The following MECOM variants were observed in gnomAD, a reference collection of about 807,000 sequenced individuals.
The protein encoded by MECOM is MDS1 and EVI1 complex locus.
A neutral mutation model predicts 116.3 loss-of-function variants in MECOM; 13 were observed. That is an observed-to-expected ratio of 0.11 (90% CI 0.07 to 0.18). The LOEUF (loss-of-function observed/expected upper bound fraction) is 0.18, where lower values mean the gene tolerates loss of function less well. Ranked by LOEUF, MECOM falls within the 10% of genes least tolerant of loss-of-function variation. The probability of loss-of-function intolerance (pLI) is 1.00; values close to 1 mark genes in which losing one functional copy is unlikely to be tolerated. For synonymous variants in MECOM, 528 were observed against 535.2 expected (o/e 0.99, Z 0.19); for missense variants, 1,299 against 1,509.0 (o/e 0.86, Z 2.31).
intron 2 of MECOM, among the ~76,000 whole-genome samples, chr3:169,222,964 G>A (rs1002317214): frequency 2.0e-5 from 3 of 151,996 alleles, no homozygotes; most frequent in African/African-American, 7.3e-5. Flanking sequence ...AAAAGAAAAT[G>A]CAAAGTGAGG....
intron 2 of MECOM, among the ~76,000 whole-genome samples, chr3:169,344,770 T>C (rs1725069792): frequency 6.6e-6 from 1 of 152,146 alleles, no homozygotes; most frequent in African/African-American, 2.4e-5. Flanking sequence ...CTGTCTGAAA[T>C]TTGAGGAGCA....
intron 1 of MECOM, among the ~76,000 whole-genome samples, chr3:169,477,286 A>T (rs1750641641): frequency 6.6e-6 from 1 of 151,606 alleles, no homozygotes; most frequent in East Asian, 1.9e-4. Context: ...TGGCTCCCAC[A>T]ACTTCGAAGT....
chr3:169,248,907 G>A (rs955304791), intron 2 of MECOM, among the ~76,000 whole-genome samples: 2 of 152,136 alleles, frequency 1.3e-5, no homozygotes, highest in Non-Finnish European at 1.5e-5. Context: ...GTAAGGAAAT[G>A]TATTTCTGTT....
At chr3:169,169,193 A>G (rs1744048242) in intron 2 of MECOM, among the ~76,000 whole-genome samples, 1 of 152,120 alleles carries the variant, frequency 6.6e-6, no homozygotes, top group South Asian at 2.1e-4. Flanking sequence ...CTACGTTATC[A>G]TTTAGTGTAG....
At chr3:169,097,271 T>A (rs1721847255) in intron 12 of MECOM, among the ~76,000 whole-genome samples, 2 of 152,102 alleles carry the variant, frequency 1.3e-5, no homozygotes, top group African/African-American at 2.4e-5. Flanking sequence ...TCTTCTCAAA[T>A]CTAAATAAGC....
At chr3:169,107,814 C>T (rs1209106614) in intron 10 of MECOM, 112 bp downstream of exon 10, 6 of 819,516 alleles carry the variant, frequency 7.3e-6, no homozygotes, top group East Asian at 2.6e-5. Context: ...AACCATATCA[C>T]GTAATGGAAA....
chr3:169,271,262 A>G (rs544121105), intron 2 of MECOM, among the ~76,000 whole-genome samples: 9 of 152,336 alleles, frequency 5.9e-5, no homozygotes, highest in Admixed American at 5.2e-4. Context: ...TGCAGCCCCC[A>G]GCCCTGAGCA....
rs145125487 is a variant in MECOM, at chr3:169,472,056, G to T, written c.38-90532C>A. Among the ~76,000 whole-genome samples the T allele has an allele frequency of 3.9e-3, 588 of 152,094 alleles. 4 individuals carry two copies. The highest frequency in any genetic ancestry group is 0.014 in the African/African-American group (563 of 41,482). On this transcript the variant is annotated intron_variant, in intron 1 of 16. Transcript: ENST00000651503. ...GACTACATGTGCAAGGATCCTAAGA[G>T]TGTTTCTCTCAAAGAAAGGATAAGT...
intron 2 of MECOM, among the ~76,000 whole-genome samples, chr3:169,184,055 G>A (rs1006737249): frequency 2.0e-5 from 3 of 151,708 alleles, no homozygotes; most frequent in Non-Finnish European, 4.4e-5. Flanking sequence ...TAGTAGAGAC[G>A]CGATTTCACC....
At chr3:169,584,520 G>C (rs1765545654) in intron 1 of MECOM, among the ~76,000 whole-genome samples, 3 of 150,718 alleles carry the variant, frequency 2.0e-5, no homozygotes, top group Admixed American at 6.6e-5. Context: ...AGCAGAGATG[G>C]CGCCGCTGCA....
intron 2 of MECOM, among the ~76,000 whole-genome samples, chr3:169,298,275 C>T (rs1577633051): frequency 6.6e-6 from 1 of 152,066 alleles, no homozygotes; most frequent in East Asian, 1.9e-4. Flanking sequence ...TCTTAATATA[C>T]ACCATATTAA....
intron 2 of MECOM, among the ~76,000 whole-genome samples, chr3:169,350,385 A>C (rs1450238538): frequency 6.6e-6 from 1 of 151,980 alleles, no homozygotes; most frequent in Non-Finnish European, 1.5e-5. Context: ...AGATGGCTCC[A>C]CAGTGGCTTT....
At chr3:169,360,829 T>C (rs1471997367) in intron 2 of MECOM, among the ~76,000 whole-genome samples, 2 of 151,786 alleles carry the variant, frequency 1.3e-5, no homozygotes, top group East Asian at 3.9e-4. Context: ...TCATGAGGCA[T>C]ATTTGTTATT....
At chr3:169,443,686 C>A (rs1466098552) in intron 1 of MECOM, among the ~76,000 whole-genome samples, 1 of 152,194 alleles carries the variant, frequency 6.6e-6, no homozygotes, top group Non-Finnish European at 1.5e-5. Flanking sequence ...TGAACAGGCT[C>A]ATCTCCTGTC....
intron 1 of MECOM, among the ~76,000 whole-genome samples, chr3:169,395,238 C>T (rs1560218717): frequency 1.3e-5 from 2 of 152,110 alleles, no homozygotes; most frequent in Admixed American, 6.6e-5. Context: ...GTTTCACTGC[C>T]GAATCCCCAG....
At chr3:169,608,195 T>C (rs1768821601) in intron 1 of MECOM, among the ~76,000 whole-genome samples, 1 of 152,208 alleles carries the variant, frequency 6.6e-6, no homozygotes, top group South Asian at 2.1e-4. Context: ...AGAGCTGACC[T>C]AGAACACCTG....
intron 10 of MECOM, among the ~76,000 whole-genome samples, chr3:169,102,809 T>G: frequency 6.6e-6 from 1 of 152,110 alleles, no homozygotes; most frequent in Non-Finnish European, 1.5e-5. Context: ...CATATTTTTA[T>G]GTAGGATCAT....
intron 2 of MECOM, among the ~76,000 whole-genome samples, chr3:169,287,254 G>A (rs2149688810): frequency 1.3e-5 from 2 of 152,288 alleles, no homozygotes; most frequent in South Asian, 4.1e-4. Flanking sequence ...AAAGGCAGAG[G>A]ACTGCCAGGC....
intron 1 of MECOM, among the ~76,000 whole-genome samples, chr3:169,441,770 A>G (rs796697050): frequency 0.031 from 3,225 of 105,324 alleles, 577 homozygotes; most frequent in East Asian, 0.049. Flanking sequence ...TTGCTCTGTC[A>G]CCCAGGCTGG....
Sources: gnomAD v4.1 joint callset for allele counts (sites outside exome capture counted in the v4.1 genomes callset) on GRCh38, gnomAD v4.1.1 for gene constraint, MANE v1.5 for transcripts, NCBI Gene and HGNC (gene_info 2026-07-23, HGNC 2026-07-21) for gene names.